The following PRKG1 variants were observed in gnomAD, a reference collection of about 807,000 sequenced individuals.
PRKG1 encodes the protein protein kinase cGMP-dependent 1.
A neutral mutation model predicts 88.1 loss-of-function variants in PRKG1; 35 were observed. The observed-to-expected ratio is 0.40, with a 90% CI of 0.30 to 0.53. The LOEUF is 0.53. Ranked by LOEUF, PRKG1 falls within the 20% of genes least tolerant of loss-of-function variation. The probability of loss-of-function intolerance (pLI) is 0.59; values close to 1 mark genes in which losing one functional copy is unlikely to be tolerated. For missense variants in PRKG1, 540 were observed against 839.8 expected (o/e 0.64, Z 4.41); for synonymous variants, 303 against 292.5 (o/e 1.04, Z -0.37).
At chr10:51,945,650 G>A (rs1287948177) in intron 5 of PRKG1, among the ~76,000 whole-genome samples, 2 of 151,146 alleles carry the variant, frequency 1.3e-5, no homozygotes, top group Admixed American at 6.6e-5. Context: ...GGGCAGGCCT[G>A]GTGGTGACAA....
intron 7 of PRKG1, among the ~76,000 whole-genome samples, chr10:52,112,033 C>G (rs1847576333): frequency 6.6e-6 from 1 of 152,180 alleles, no homozygotes; most frequent in Non-Finnish European, 1.5e-5. Context: ...ACTGAGCCTT[C>G]CATATACCCT....
chr10:51,073,556 A>G (rs929170482), upstream of PRKG1, among the ~76,000 whole-genome samples: 1 of 152,092 alleles, frequency 6.6e-6, no homozygotes, highest in African/African-American at 2.4e-5. Flanking sequence ...CACCAGCTCA[A>G]GGCGGAGGGC....
At chr10:51,894,899 G>A (rs1391529265) in intron 4 of PRKG1, among the ~76,000 whole-genome samples, 1 of 152,064 alleles carries the variant, frequency 6.6e-6, no homozygotes, top group African/African-American at 2.4e-5. Flanking sequence ...CTTCTTATTT[G>A]TATGTTAGAG....
At chr10:52,166,757 C>A (rs1285451467) in intron 9 of PRKG1, among the ~76,000 whole-genome samples, 3 of 125,430 alleles carry the variant, frequency 2.4e-5, no homozygotes, top group East Asian at 2.1e-4. Flanking sequence ...CAGTTACAGG[C>A]AAAACAGCTA....
At chr10:52,033,084 A>ACCCCAACTTT (rs1284412702) in intron 5 of PRKG1, among the ~76,000 whole-genome samples, 1 of 152,112 alleles carries the variant, frequency 6.6e-6, no homozygotes, top group Non-Finnish European at 1.5e-5. Context: ...TTCATTCAGT[A>ACCCCAACTTT]CCCCAACTTT....
Position 52,271,411 on chromosome 10 carries a change from T to C in PRKG1, c.1235T>C (p.Ile412Thr). 6.2e-7 allele frequency: 1 copy of C among 1,612,982 alleles called. No homozygotes were observed. Among genetic ancestry groups the C allele is most frequent in the Non-Finnish European group, 8.5e-7 (1 of 1,179,356 alleles). The change falls in exon 11 of 18, where the codon ATT becomes ACT. Residue 412 changes from isoleucine (I) to threonine (T), a missense_variant. Ile to Thr is a moderately conservative substitution (Grantham distance 89). Transcript: ENST00000373980. ...ATGAAGATTCTCAAGAAACGTCACA[T>C]TGTGGACACAAGACAGCAGGAGCAC... ...FAMKILKKRH[I>T]VDTRQQEHIR...
chr10:51,292,858 G>C (rs1840620224), intron 2 of PRKG1, among the ~76,000 whole-genome samples: 1 of 151,858 alleles, frequency 6.6e-6, no homozygotes, highest in African/African-American at 2.4e-5. Flanking sequence ...GACTTATTAT[G>C]GTTTACACCC....
intron 5 of PRKG1, among the ~76,000 whole-genome samples, chr10:51,946,531 G>C (rs1459049303): frequency 1.3e-5 from 2 of 152,120 alleles, no homozygotes; most frequent in South Asian, 4.1e-4. Flanking sequence ...AAGAGGAGAG[G>C]CTCTCTGCTT....
At chr10:51,727,185 G>T (rs1326965839) in intron 3 of PRKG1, among the ~76,000 whole-genome samples, 1 of 151,500 alleles carries the variant, frequency 6.6e-6, no homozygotes, top group Non-Finnish European at 1.5e-5. Context: ...ACACACCTGT[G>T]GTCCCAGCTA....
chr10:52,180,519 A>T (rs1249578665), intron 9 of PRKG1, among the ~76,000 whole-genome samples: 3 of 152,144 alleles, frequency 2.0e-5, no homozygotes, highest in African/African-American at 7.2e-5. Flanking sequence ...TTTATTGTAT[A>T]GGTTGGATAG....
chr10:51,324,592 A>G (rs1841537781), intron 2 of PRKG1, among the ~76,000 whole-genome samples: 1 of 144,570 alleles, frequency 6.9e-6, no homozygotes, highest in Non-Finnish European at 1.5e-5. Flanking sequence ...AAAAAAAAAA[A>G]TAGCCGGGCG....
intron 2 of PRKG1, among the ~76,000 whole-genome samples, chr10:51,239,110 C>T (rs931795214): frequency 9.9e-5 from 15 of 152,144 alleles, no homozygotes; most frequent in Non-Finnish European, 5.9e-5. Flanking sequence ...GATTGGAGTT[C>T]GGACAGCTGC....
chr10:51,570,716 A>G (rs1440797043), intron 3 of PRKG1, among the ~76,000 whole-genome samples: 2 of 151,946 alleles, frequency 1.3e-5, no homozygotes, highest in Non-Finnish European at 2.9e-5. Context: ...ATCCCTAAGT[A>G]TCCTGAAAAT....
intron 2 of PRKG1, among the ~76,000 whole-genome samples, chr10:51,406,328 A>AG (rs1414507205): frequency 2.0e-5 from 3 of 152,328 alleles, no homozygotes; most frequent in African/African-American, 7.2e-5. Flanking sequence ...AGATCCGCTA[A>AG]GATTTCAAAC....
chr10:51,254,854 G>A (rs1839516835), intron 2 of PRKG1, among the ~76,000 whole-genome samples: 1 of 152,004 alleles, frequency 6.6e-6, no homozygotes, highest in East Asian at 1.9e-4. Flanking sequence ...TCTATGGTAT[G>A]CTCTTTGGCC....
At chr10:51,048,706 A>G (rs777597425) in intron 1 of PRKG1, among the ~76,000 whole-genome samples, 20 of 152,224 alleles carry the variant, frequency 1.3e-4, no homozygotes, top group Non-Finnish European at 2.5e-4. Flanking sequence ...ACGCTTGCAA[A>G]TCACTACTTT....
intron 2 of PRKG1, among the ~76,000 whole-genome samples, chr10:51,329,158 C>T (rs971120602): frequency 5.9e-5 from 9 of 152,186 alleles, no homozygotes; most frequent in Non-Finnish European, 1.3e-4. Flanking sequence ...GTCATGGAAC[C>T]TTTTCCCTAG....
chr10:51,526,176 AG>A (rs1479311393), intron 3 of PRKG1, among the ~76,000 whole-genome samples: 2 of 152,204 alleles, frequency 1.3e-5, no homozygotes, highest in Admixed American at 1.3e-4. Flanking sequence ...GGGTGCTATA[AG>A]AAAAACATAC....
Position 52,262,328 on chromosome 10 carries a change from G to A in PRKG1, c.1174-9022G>A, listed in dbSNP as rs534578489. On this transcript the variant is annotated intron_variant, in intron 10 of 17. Transcript: ENST00000373980. ...GCTCTGTTGCCCAGGCTGGAGTACAGTGGTACAATCTTGGCTCACTGCAAC... is the reference window on the plus strand; with the variant it reads ...GCTCTGTTGCCCAGGCTGGAGTACAATGGTACAATCTTGGCTCACTGCAAC... Among the ~76,000 whole-genome samples the A allele has an allele frequency of 1.9e-4, 29 of 152,168 alleles. No homozygotes were observed. The East Asian group carries it at 5.4e-3, about 28-fold the overall frequency.
Sources: gnomAD v4.1 joint callset for allele counts (sites outside exome capture counted in the v4.1 genomes callset) on GRCh38, gnomAD v4.1.1 for gene constraint, MANE v1.5 for transcripts, NCBI Gene and HGNC (gene_info 2026-07-23, HGNC 2026-07-21) for gene names.